The following NECAB1 variants were observed in gnomAD, a reference collection of about 807,000 sequenced individuals.
NECAB1 encodes N-terminal EF-hand calcium binding protein 1.
Under a neutral mutation model 57.5 loss-of-function variants are expected in NECAB1, and 29 were observed. The observed-to-expected ratio is 0.50, with a 90% CI of 0.38 to 0.69. The LOEUF is 0.69. Among genes scored for constraint, NECAB1 ranks in the 30% least tolerant of loss-of-function variants. The pLI is 0.00. For missense variants in NECAB1, 372 were observed against 413.8 expected, an observed-to-expected ratio of 0.90 and a Z score of 0.88; for synonymous variants, 142 against 147.7, an observed-to-expected ratio of 0.96 and a Z score of 0.28.
At chr8:90,805,595 T>G (rs1430602313) in intron 2 of NECAB1, among the ~76,000 whole-genome samples, 1 of 151,898 alleles carries the variant, frequency 6.6e-6, no homozygotes, top group Non-Finnish European at 1.5e-5. Flanking sequence ...GCTAGTGCTT[T>G]GAGCCAAAGA....
rs545020130 is a variant in NECAB1 at position 90,927,204 on chromosome 8, C to CT, written c.617-1005dup. ...CAATCAGCCCCTTTCTTTTCTCTCT[C>CT]TTTTTTTTTTTTTTGTAGCCACTTC... On this transcript the variant is annotated intron_variant, in intron 7 of 12. Coordinates refer to ENST00000417640, the MANE Select transcript of NECAB1 (RefSeq NM_022351.5). 7.2e-3 allele frequency among the ~76,000 whole-genome samples: 945 copies of CT among 131,096 alleles called. 19 individuals are homozygous for CT. The highest frequency in any genetic ancestry group is 0.03 in the South Asian group (127 of 4,208). 86.0% of individuals were successfully genotyped at this position (131,096 alleles called of 152,430 possible).
rs117984140 is a variant in NECAB1, at chr8:90,845,001, C to A, written c.233+20176C>A. On this transcript the variant is annotated intron_variant, in intron 3 of 12. Coordinates refer to ENST00000417640, the MANE Select transcript of NECAB1 (RefSeq NM_022351.5). ...CAGGGTGGGTCATCAGGGTGAAGAC[C>A]AAGGAAGAACTGATGTTCCGGTTCA... 2.6e-3 allele frequency among the ~76,000 whole-genome samples: 400 copies of A among 152,208 alleles called. 1 individual carries two copies. The highest frequency in any genetic ancestry group is 4.7e-3 in the Non-Finnish European group (317 of 68,000).
intron 3 of NECAB1, among the ~76,000 whole-genome samples, chr8:90,861,591 C>A (rs1365850756): frequency 6.6e-6 from 1 of 152,120 alleles, no homozygotes; most frequent in African/African-American, 2.4e-5. Flanking sequence ...CTTTGGTCTG[C>A]TGAAGCATAA....
At chr8:90,852,257 TC>T (rs1812697572) in intron 3 of NECAB1, among the ~76,000 whole-genome samples, 1 of 152,084 alleles carries the variant, frequency 6.6e-6, no homozygotes, top group Non-Finnish European at 1.5e-5. Flanking sequence ...TACTGTCACC[TC>T]CTTTAAAATT....
At chr8:90,890,419 C>A (rs969469886) in intron 5 of NECAB1, among the ~76,000 whole-genome samples, 3 of 152,126 alleles carry the variant, frequency 2.0e-5, no homozygotes, top group African/African-American at 7.2e-5. Context: ...AACTGTGAGT[C>A]AATTAAATGT....
intron 5 of NECAB1, among the ~76,000 whole-genome samples, chr8:90,900,579 T>C (rs967077025): frequency 6.6e-6 from 1 of 152,186 alleles, no homozygotes. Context: ...AAAAGTATTA[T>C]TCAGAATTGG....
At chr8:90,847,624 C>T (rs1741456748) in intron 3 of NECAB1, among the ~76,000 whole-genome samples, 1 of 152,240 alleles carries the variant, frequency 6.6e-6, no homozygotes, top group South Asian at 2.1e-4. Context: ...TCTGCCTAGA[C>T]ATCCAGGTGT....
intron 3 of NECAB1, among the ~76,000 whole-genome samples, chr8:90,834,216 G>C (rs1433945285): frequency 1.5e-5 from 2 of 133,992 alleles, no homozygotes; most frequent in Non-Finnish European, 3.3e-5. Flanking sequence ...AATAAATGTA[G>C]ATTACAAATA....
intron 2 of NECAB1, among the ~76,000 whole-genome samples, chr8:90,811,412 G>A (rs1241147262): frequency 4.6e-5 from 7 of 152,164 alleles, no homozygotes; most frequent in Admixed American, 1.3e-4. Flanking sequence ...GTTCTGAGGA[G>A]GAAGAGGTCT....
At chr8:90,940,745 C>T (rs1206176031) in intron 9 of NECAB1, 41 bp from the exon 10 acceptor site, 17 of 1,477,932 alleles carry the variant, frequency 1.2e-5, no homozygotes, top group South Asian at 2.4e-5. Flanking sequence ...AATCGGGCTC[C>T]GTGACAGCCA....
At chr8:90,835,011 C>A (rs1812348114) in intron 3 of NECAB1, among the ~76,000 whole-genome samples, 1 of 151,060 alleles carries the variant, frequency 6.6e-6, no homozygotes, top group Non-Finnish European at 1.5e-5. Context: ...AAAAAAGAGC[C>A]CGCATCGACT....
At chr8:90,850,162 T>C (rs1198687042) in intron 3 of NECAB1, among the ~76,000 whole-genome samples, 1 of 152,032 alleles carries the variant, frequency 6.6e-6, no homozygotes, top group East Asian at 1.9e-4. Context: ...ATGTGGAAAA[T>C]AGCTAGAGGG....
chr8:90,876,573 A>G (rs562867818), intron 4 of NECAB1, among the ~76,000 whole-genome samples: 17 of 152,252 alleles, frequency 1.1e-4, no homozygotes, highest in Admixed American at 3.3e-4. Context: ...CAACAACTTG[A>G]AAGACTAAGG....
chr8:90,901,609 T>A lies in NECAB1; in HGVS notation c.358-15883T>A, dbSNP rs138306046. Reference sequence around the variant, plus strand: ...TCCTTAATTTATCTGGCCTTCCTTTTGAAAATGAGCAATTTGTATTCAGTG... The same window carrying A: ...TCCTTAATTTATCTGGCCTTCCTTTAGAAAATGAGCAATTTGTATTCAGTG... On this transcript the variant is annotated intron_variant, in intron 5 of 12. Coordinates refer to ENST00000417640, the MANE Select transcript of NECAB1 (RefSeq NM_022351.5). Among the ~76,000 whole-genome samples, 267 of 152,372 alleles carry A rather than the reference T, an allele frequency of 1.8e-3. 1 individual carries two copies. The highest frequency in any genetic ancestry group is 6.1e-3 in the African/African-American group (254 of 41,590).
At chr8:90,891,868 A>G (rs754989581) in intron 5 of NECAB1, among the ~76,000 whole-genome samples, 5 of 151,760 alleles carry the variant, frequency 3.3e-5, no homozygotes, top group Non-Finnish European at 2.9e-5. Flanking sequence ...TAATTTTTGT[A>G]TTTTTAGTAG....
chr8:90,828,131 G>GTTTTT (rs397961666), intron 3 of NECAB1, among the ~76,000 whole-genome samples: 3 of 143,478 alleles, frequency 2.1e-5, no homozygotes, highest in East Asian at 2.0e-4. Flanking sequence ...GTTCACTGCA[G>GTTTTT]TTTTTTTTTT....
intron 5 of NECAB1, among the ~76,000 whole-genome samples, chr8:90,883,981 C>T (rs751741704): frequency 2.0e-5 from 3 of 152,100 alleles, no homozygotes; most frequent in Non-Finnish European, 2.9e-5. Flanking sequence ...GTTATATAAA[C>T]ACAAATGGGA....
At chr8:90,937,371 G>T (rs757094099) in intron 9 of NECAB1, among the ~76,000 whole-genome samples, 2 of 152,134 alleles carry the variant, frequency 1.3e-5, no homozygotes, top group Non-Finnish European at 1.5e-5. Flanking sequence ...GGAAAGTACA[G>T]ATTTGCACAG....
At chr8:90,931,508 A>T (rs988582540) in intron 8 of NECAB1, among the ~76,000 whole-genome samples, 1 of 152,202 alleles carries the variant, frequency 6.6e-6, no homozygotes, top group Non-Finnish European at 1.5e-5. Context: ...AATTTCTATA[A>T]ATAGGTTTCT....
Sources: gnomAD v4.1 joint callset for allele counts (sites outside exome capture counted in the v4.1 genomes callset) on GRCh38, gnomAD v4.1.1 for gene constraint, MANE v1.5 for transcripts, NCBI Gene and HGNC (gene_info 2026-07-23, HGNC 2026-07-21) for gene names.